The following COMMD1 variants were observed in gnomAD, a reference collection of about 807,000 sequenced individuals.
COMMD1 encodes the protein COMM domain-containing protein 1.
Under a neutral mutation model 17.2 loss-of-function variants are expected in COMMD1, and 10 were observed. That is an observed-to-expected ratio of 0.58 (90% CI 0.36 to 0.99). The LOEUF (loss-of-function observed/expected upper bound fraction) is 0.99, where lower values mean the gene tolerates loss of function less well. COMMD1 is among the 50% of genes least tolerant of loss of function. COMMD1 has a pLI of 0.01. For synonymous variants in COMMD1, 97 were observed against 91.6 expected (o/e 1.06, Z -0.34); for missense variants, 270 against 231.8 (o/e 1.17, Z -1.07).
chr2:61,892,860 T>G (rs1489083806), intron 1 of COMMD1, among the ~76,000 whole-genome samples: 1 of 151,776 alleles, frequency 6.6e-6, no homozygotes, highest in African/African-American at 2.4e-5. Context: ...CCTTACTGTT[T>G]GCATCGTTCT....
intron 1 of COMMD1, among the ~76,000 whole-genome samples, chr2:61,987,110 A>G (rs1484739482): frequency 6.6e-6 from 1 of 152,116 alleles, no homozygotes; most frequent in Non-Finnish European, 1.5e-5. Flanking sequence ...AATTTCTTCA[A>G]GTTTTCCCAA....
At chr2:62,024,916 C>A (rs193044939) in intron 2 of COMMD1, among the ~76,000 whole-genome samples, 2 of 152,248 alleles carry the variant, frequency 1.3e-5, no homozygotes, top group East Asian at 3.9e-4. Flanking sequence ...TTTCCTGTTT[C>A]CTGTGCAATC....
chr2:62,022,373 A>T (rs746581301), intron 2 of COMMD1, among the ~76,000 whole-genome samples: 2 of 148,238 alleles, frequency 1.3e-5, no homozygotes, highest in Non-Finnish European at 1.5e-5. Flanking sequence ...AATTTTGATT[A>T]TAAAGAAGGA....
At chr2:62,001,027 C>T (rs1259920010) in intron 2 of COMMD1, 45 bp downstream of exon 2, 2 of 1,556,464 alleles carry the variant, frequency 1.3e-6, no homozygotes, top group Admixed American at 3.3e-5. Flanking sequence ...CTGTATTTTT[C>T]ACTACATGTT....
intron 2 of COMMD1, among the ~76,000 whole-genome samples, chr2:62,002,491 G>GAAAAAAAAAAAA (rs11310507): frequency 1.1e-4 from 4 of 35,086 alleles, no homozygotes; most frequent in Non-Finnish European, 2.0e-4. Context: ...GATTCCACCA[G>GAAAAAAAAAAAA]AAAAAAAAAA....
chr2:62,101,619 CTATA>C (rs66732767), intron 2 of COMMD1, among the ~76,000 whole-genome samples: 8 of 150,630 alleles, frequency 5.3e-5, no homozygotes, highest in East Asian at 1.9e-4. Context: ...CTCTCTCTCT[CTATA>C]TATATATATA....
At position 62,114,185 on chromosome 2, in the gene COMMD1, C is replaced by T. The variant is rs148085417; in HGVS notation, c.463-21646C>T. ...AGAAAACCCCAAATTATATTTGATC[C>T]CAAATCTCGAGGTGGGTTTGTACTT... On this transcript the variant is annotated intron_variant, in intron 2 of 2. Transcript: ENST00000311832. Among the ~76,000 whole-genome samples the T allele has an allele frequency of 2.1e-3, 321 of 152,140 alleles. 3 individuals carry two copies. The highest frequency in any genetic ancestry group is 6.0e-3 in the South Asian group (29 of 4,810).
At chr2:62,064,657 G>A (rs1670975407) in intron 2 of COMMD1, among the ~76,000 whole-genome samples, 1 of 152,132 alleles carries the variant, frequency 6.6e-6, no homozygotes, top group Non-Finnish European at 1.5e-5. Context: ...CTCAGGTATT[G>A]TCTTCTGTCT....
At position 62,000,587 on chromosome 2, in the gene COMMD1, T is replaced by G. The variant is rs1668901792; in HGVS notation, c.181-114T>G. ...GATTACAGGTGTGAGCCATTGTGTC[T>G]GGGCTATTTCAGTGATTTAAGAGTC... On this transcript the variant is annotated intron_variant, in intron 1 of 2. Coordinates refer to ENST00000311832, the MANE Select transcript of COMMD1 (RefSeq NM_152516.4). The G allele has an allele frequency of 8.8e-6, 9 of 1,027,176 alleles. No homozygotes were observed. In the Admixed American group the frequency reaches 1.8e-4, roughly 20 times the overall value. The allele number at this position is 1,027,176 out of a possible 1,614,324, so 63.6% of individuals were successfully genotyped here.
intron 2 of COMMD1, among the ~76,000 whole-genome samples, chr2:62,105,471 G>A (rs192273719): frequency 2.0e-5 from 3 of 152,162 alleles, no homozygotes; most frequent in Non-Finnish European, 4.4e-5. Context: ...AAGAACATCA[G>A]ATCTCTGAAA....
intron 1 of COMMD1, among the ~76,000 whole-genome samples, chr2:61,913,266 C>T (rs1669956632): frequency 6.7e-6 from 1 of 149,726 alleles, no homozygotes; most frequent in East Asian, 2.0e-4. Context: ...ACTCGGGAAG[C>T]TGAGGCAGGA....
At chr2:61,940,212 A>G (rs1670707213) in intron 1 of COMMD1, among the ~76,000 whole-genome samples, 1 of 152,190 alleles carries the variant, frequency 6.6e-6, no homozygotes, top group Non-Finnish European at 1.5e-5. Context: ...TTTGTGGGCT[A>G]AGGCAATCTT....
Position 62,038,539 on chromosome 2 carries a change from CATTTATTTATTT to C in COMMD1, c.462+37570_462+37581del, listed in dbSNP as rs200206799. ...TATTTTTTGATATTTTATTTTTTATCATTTATTTATTTATTTATTTATTTTTGAGACGGAGTC... is the reference window on the plus strand; with the variant it reads ...TATTTTTTGATATTTTATTTTTTATCATTTATTTATTTTTGAGACGGAGTC... On this transcript the variant is annotated intron_variant, in intron 2 of 2. Transcript: ENST00000311832. 6.0e-5 allele frequency among the ~76,000 whole-genome samples: 9 copies of C among 150,812 alleles called. No homozygotes were observed. In the East Asian group the frequency reaches 1.7e-3, roughly 29 times the overall value.
chr2:61,902,829 A>C (rs1023280068), upstream of COMMD1, among the ~76,000 whole-genome samples: 1 of 152,164 alleles, frequency 6.6e-6, no homozygotes, highest in Non-Finnish European at 1.5e-5. Context: ...TGGGCAACAG[A>C]GTGAGACTCT....
At chr2:62,129,259 A>G (rs1050658351) in intron 2 of COMMD1, among the ~76,000 whole-genome samples, 1 of 152,218 alleles carries the variant, frequency 6.6e-6, no homozygotes, top group African/African-American at 2.4e-5. Context: ...TATCAGAAGA[A>G]TTAATATAAT....
At chr2:62,096,858 C>T (rs933169004) in intron 2 of COMMD1, among the ~76,000 whole-genome samples, 2 of 152,144 alleles carry the variant, frequency 1.3e-5, no homozygotes, top group Non-Finnish European at 2.9e-5. Context: ...GGAGGATAAG[C>T]ACAACAATAA....
rs1255072644 is a variant in COMMD1, at chr2:61,905,694, C to G, written c.16C>G (p.Leu6Val). The G allele has an allele frequency of 6.4e-7, 1 of 1,574,010 alleles. No individual in the cohort carries two copies. Among genetic ancestry groups the G allele is most frequent in the East Asian group, 2.3e-5 (1 of 43,384 alleles). Residue 6 changes from leucine (L) to valine (V), a missense_variant, in exon 1 of 3, where the codon CTT becomes GTT. Leu to Val is a conservative substitution (Grantham distance 32). Coordinates refer to ENST00000311832, the MANE Select transcript of COMMD1 (RefSeq NM_152516.4). Reference protein sequence around the residue: MAAGELEGGKPLSGLL... With the variant: MAAGEVEGGKPLSGLL... ...TTCGCAGAGCATGGCGGCGGGCGAG[C>G]TTGAGGGTGGCAAACCCCTGAGCGG... is the stretch of plus-strand genomic sequence containing the variant.
intron 1 of COMMD1, among the ~76,000 whole-genome samples, chr2:61,932,710 T>C (rs1670501030): frequency 6.6e-6 from 1 of 152,118 alleles, no homozygotes; most frequent in Admixed American, 6.6e-5. Context: ...GGGTGTGGCT[T>C]GTTTACTTGG....
intron 2 of COMMD1, among the ~76,000 whole-genome samples, chr2:62,088,686 C>T (rs1223975991): frequency 2.0e-5 from 3 of 152,178 alleles, no homozygotes; most frequent in South Asian, 2.1e-4. Context: ...GAAATATATA[C>T]CTGACCATTT....
Sources: allele counts gnomAD v4.1 joint callset (sites outside exome capture counted in the v4.1 genomes callset), GRCh38; gene constraint gnomAD v4.1.1; transcripts MANE v1.5; gene names NCBI Gene and HGNC (gene_info 2026-07-23, HGNC 2026-07-21).